TANGO6: variants seen among roughly 807,000 people sequenced by gnomAD.
TANGO6 encodes transport and Golgi organization protein 6 homolog.
In TANGO6, 90 loss-of-function variants were observed where a neutral mutation model predicts 114.2. The observed-to-expected ratio is 0.79, with a 90% CI of 0.66 to 0.94. The LOEUF (loss-of-function observed/expected upper bound fraction) is 0.94, where lower values mean the gene tolerates loss of function less well. Ranked by LOEUF, TANGO6 falls within the 40% of genes least tolerant of loss-of-function variation. The pLI, the probability that TANGO6 is intolerant of heterozygous loss-of-function variation, is 0.00. For missense variants in TANGO6, 1,274 were observed against 1,315.3 expected (o/e 0.97, Z 0.49); for synonymous variants, 477 against 509.8 (o/e 0.94, Z 0.87).
intron 17 of TANGO6, among the ~76,000 whole-genome samples, chr16:69,046,170 C>G (rs1959855286): frequency 6.6e-6 from 1 of 151,460 alleles, no homozygotes; most frequent in South Asian, 2.1e-4. Context: ...GTCCAGGATA[C>G]AACTCATGTA....
chr16:68,955,393 C>T (rs747504958), intron 14 of TANGO6, among the ~76,000 whole-genome samples: 19 of 152,266 alleles, frequency 1.2e-4, no homozygotes, highest in Non-Finnish European at 2.6e-4. Flanking sequence ...TATATCTGTC[C>T]AGATGCCATT....
intron 7 of TANGO6, among the ~76,000 whole-genome samples, chr16:68,894,328 C>T (rs1962674703): frequency 6.6e-6 from 1 of 152,108 alleles, no homozygotes; most frequent in African/African-American, 2.4e-5. Context: ...ATATCAGGTG[C>T]AGACTGAACT....
intron 11 of TANGO6, among the ~76,000 whole-genome samples, chr16:68,918,716 T>C (rs1022681713): frequency 1.3e-5 from 2 of 152,216 alleles, no homozygotes; most frequent in African/African-American, 4.8e-5. Flanking sequence ...ACTGACCTCA[T>C]AGAGTTGATA....
chr16:69,072,056 TGTGTGTGTGTGTAGAGAGAGGGAGACC>T (rs1852829260), intron 17 of TANGO6, among the ~76,000 whole-genome samples: 6 of 145,934 alleles, frequency 4.1e-5, no homozygotes, highest in African/African-American at 1.6e-4. Context: ...TGTGTGTGTG[TGTGTGTGTGTGTAGAGAGAGGGAGACC>T]GTGTGTGTGT....
intron 15 of TANGO6, among the ~76,000 whole-genome samples, chr16:68,974,389 C>T (rs1224500125): frequency 6.6e-6 from 1 of 152,084 alleles, no homozygotes; most frequent in Non-Finnish European, 1.5e-5. Context: ...TCGCCAGGTG[C>T]GGTGGCTCCT....
chr16:68,947,587 C>CTTTT (rs1231636901), intron 14 of TANGO6, among the ~76,000 whole-genome samples: 30 of 118,448 alleles, frequency 2.5e-4, no homozygotes, highest in Non-Finnish European at 3.1e-4. Context: ...TAACCCATCT[C>CTTTT]TTTTTTTTTT....
chr16:69,019,785 G>A (rs1012913484), intron 15 of TANGO6, among the ~76,000 whole-genome samples: 4 of 152,090 alleles, frequency 2.6e-5, no homozygotes, highest in African/African-American at 7.2e-5. Context: ...CAATCCTCCC[G>A]CCTCAGCCTC....
intron 7 of TANGO6, among the ~76,000 whole-genome samples, chr16:68,890,430 C>G (rs1962596471): frequency 6.6e-6 from 1 of 152,200 alleles, no homozygotes; most frequent in African/African-American, 2.4e-5. Flanking sequence ...TATCCATGTT[C>G]ACTCATTTAA....
In TANGO6 at chr16:68,973,085, A is replaced by G. The variant is rs79446336; in HGVS notation, c.2702-943A>G. 5.6e-3 allele frequency: 2,572 copies of G among 455,848 alleles called. 55 individuals carry two copies. Among genetic ancestry groups the G allele is most frequent in the African/African-American group, 0.047 (2,344 of 50,136 alleles). The allele number at this position is 455,848 out of a possible 1,614,324, so 28.2% of individuals were successfully genotyped here. On this transcript the variant is annotated intron_variant, in intron 14 of 17. Coordinates refer to ENST00000261778, the MANE Select transcript of TANGO6 (RefSeq NM_024562.2). ...ACCACTGAGGGGTCTGGGCAGAAGC[A>G]TGAAGGGGCCAGACTTATGATTCAA...
intron 3 of TANGO6, among the ~76,000 whole-genome samples, chr16:68,865,753 C>CAAAA (rs367608096): frequency 0.095 from 10,913 of 114,800 alleles, 516 homozygotes; most frequent in Non-Finnish European, 0.14. Flanking sequence ...ACTAAAAATA[C>CAAAA]AAAAAAAAAA....
chr16:68,980,409 C>CTCTCTCTCTCTCTCTCTCTA lies in TANGO6; in HGVS notation c.2842+6242_2842+6243insCTCTCTCTCTCTCTCTCTAT, dbSNP rs1408626276. Among the ~76,000 whole-genome samples, 50 of 67,954 alleles carry CTCTCTCTCTCTCTCTCTCTA rather than the reference C, an allele frequency of 7.4e-4. 1 individual carries two copies. The highest frequency in any genetic ancestry group is 1.1e-3 in the Non-Finnish European group (42 of 37,374). The allele number at this position is 67,954 out of a possible 152,430, so 44.6% of individuals were successfully genotyped here. On this transcript the variant is annotated intron_variant, in intron 15 of 17. Transcript: ENST00000261778. Reference sequence around the variant, plus strand: ...TCTCTCTCTCTCTCTCTCTCTCTCTCTATATATATATATATATATATATAT... The same window carrying CTCTCTCTCTCTCTCTCTCTA: ...TCTCTCTCTCTCTCTCTCTCTCTCTCTCTCTCTCTCTCTCTCTCTATATATATATATATATATATATATAT...
chr16:69,060,504 A>G (rs1244553465), intron 17 of TANGO6, among the ~76,000 whole-genome samples: 2 of 151,930 alleles, frequency 1.3e-5, no homozygotes, highest in East Asian at 3.9e-4. Context: ...CTGAGGCAAG[A>G]AGATCACATG....
At chr16:68,903,418 A>C (rs1962809415) in intron 9 of TANGO6, among the ~76,000 whole-genome samples, 1 of 151,910 alleles carries the variant, frequency 6.6e-6, no homozygotes, top group South Asian at 2.1e-4. Context: ...TAGGAGTTTG[A>C]GACCAGCCTG....
chr16:68,909,574 T>C, intron 11 of TANGO6, 172 bp downstream of exon 11: 1 of 505,980 alleles, frequency 2.0e-6, no homozygotes. Context: ...ATCCAAAACG[T>C]TCCAGTGTCC....
At chr16:69,017,254 A>G (rs1048166905) in intron 15 of TANGO6, among the ~76,000 whole-genome samples, 11 of 152,116 alleles carry the variant, frequency 7.2e-5, no homozygotes, top group Non-Finnish European at 1.3e-4. Context: ...CCTCTTCCCC[A>G]TTAGGTTTTG....
At chr16:68,876,199 T>C (rs1962356137) in intron 5 of TANGO6, among the ~76,000 whole-genome samples, 1 of 152,066 alleles carries the variant, frequency 6.6e-6, no homozygotes, top group Admixed American at 6.6e-5. Context: ...TTTGCTCTTG[T>C]TGCCCAGGCT....
intron 17 of TANGO6, among the ~76,000 whole-genome samples, chr16:69,070,082 C>G (rs1422343040): frequency 1.3e-5 from 2 of 150,176 alleles, no homozygotes; most frequent in African/African-American, 2.4e-5. Flanking sequence ...GTGGCATGTG[C>G]CTGTAATCCC....
chr16:68,897,463 A>G (rs946508174), intron 7 of TANGO6, among the ~76,000 whole-genome samples: 2 of 152,214 alleles, frequency 1.3e-5, no homozygotes, highest in East Asian at 3.8e-4. Flanking sequence ...ATATAAAAAT[A>G]ATATATACGT....
intron 14 of TANGO6, among the ~76,000 whole-genome samples, chr16:68,968,241 T>C (rs1963664633): frequency 6.6e-6 from 1 of 151,876 alleles, no homozygotes; most frequent in African/African-American, 2.4e-5. Context: ...AATTTTTGTA[T>C]TTTTAGTAGA....
Sources: gnomAD v4.1 joint callset for allele counts (sites outside exome capture counted in the v4.1 genomes callset) on GRCh38, gnomAD v4.1.1 for gene constraint, MANE v1.5 for transcripts, NCBI Gene and HGNC (gene_info 2026-07-23, HGNC 2026-07-21) for gene names.